LYPD5: variants seen among roughly 807,000 people sequenced by gnomAD.
LYPD5 encodes ly6/PLAUR domain-containing protein 5.
A neutral mutation model predicts 19.1 loss-of-function variants in LYPD5; 21 were observed. The observed-to-expected ratio is 1.10, with a 90% CI of 0.78 to 1.58. The LOEUF (loss-of-function observed/expected upper bound fraction) is 1.58, where lower values mean the gene tolerates loss of function less well. LYPD5 is among the 40% of genes most tolerant of loss of function. LYPD5 has a pLI of 0.00. For synonymous variants in LYPD5, 128 were observed against 142.7 expected (o/e 0.90, Z 0.74); for missense variants, 287 against 329.8 (o/e 0.87, Z 1.00).
At chr19:43,816,341 T>A (rs1334667638) in intron 1 of LYPD5, among the ~76,000 whole-genome samples, 1 of 152,142 alleles carries the variant, frequency 6.6e-6, no homozygotes, top group Non-Finnish European at 1.5e-5. Context: ...GATCACCAGG[T>A]CAAATTAGCA....
At chr19:43,820,254 C>T (rs1197440827) in intron 1 of LYPD5, among the ~76,000 whole-genome samples, 1 of 152,226 alleles carries the variant, frequency 6.6e-6, no homozygotes, top group East Asian at 1.9e-4. Context: ...TGCACACACA[C>T]CCCATTCCCT....
intron 4 of LYPD5, among the ~76,000 whole-genome samples, chr19:43,798,172 C>T (rs969409412): frequency 9.5e-5 from 11 of 115,628 alleles, no homozygotes; most frequent in African/African-American, 3.7e-4. Flanking sequence ...CCTCCTCCCT[C>T]AGACCAGGGT....
At chr19:43,812,720 G>A (rs1217313530) in intron 1 of LYPD5, among the ~76,000 whole-genome samples, 2 of 152,158 alleles carry the variant, frequency 1.3e-5, no homozygotes, top group African/African-American at 4.8e-5. Context: ...CAAGGAAATC[G>A]TAGGTTTGAG....
intron 1 of LYPD5, among the ~76,000 whole-genome samples, chr19:43,801,556 C>T (rs1970223838): frequency 6.6e-6 from 1 of 152,160 alleles, no homozygotes; most frequent in African/African-American, 2.4e-5. Flanking sequence ...TAAATATAGG[C>T]TTACAAATCA....
rs1599692727 is a variant in LYPD5 at position 43,798,663 on chromosome 19, C to G, written c.371-62G>C. ...TACCCTGGCACAGTCGTGCGGGCTG[C>G]GCACTGCGCCAGAGCCCGCGCCTAG... is the stretch of plus-strand genomic sequence containing the variant. On this transcript the variant is annotated intron_variant, in intron 3 of 4. Coordinates refer to ENST00000377950, the MANE Select transcript of LYPD5 (RefSeq NM_001031749.3). 3 of 1,600,954 alleles carry G rather than the reference C, an allele frequency of 1.9e-6. No individual in the cohort carries two copies. In the East Asian group the frequency reaches 6.7e-5, roughly 36 times the overall value.
intron 1 of LYPD5, among the ~76,000 whole-genome samples, chr19:43,814,597 C>A (rs966913467): frequency 1.3e-5 from 2 of 152,180 alleles, no homozygotes; most frequent in African/African-American, 4.8e-5. Context: ...GAGTAGTGGT[C>A]CCGTAATATG....
chr19:43,814,015 T>A (rs1162196021), intron 1 of LYPD5, among the ~76,000 whole-genome samples: 1 of 152,208 alleles, frequency 6.6e-6, no homozygotes, highest in Non-Finnish European at 1.5e-5. Context: ...GGAATTAGGA[T>A]GAGACACATA....
intron 1 of LYPD5, among the ~76,000 whole-genome samples, chr19:43,809,336 C>T (rs1282738146): frequency 1.3e-5 from 2 of 151,754 alleles, no homozygotes; most frequent in East Asian, 3.9e-4. Flanking sequence ...TGCACCTGAC[C>T]GGATATTATT....
intron 1 of LYPD5, among the ~76,000 whole-genome samples, chr19:43,814,234 G>A (rs1197195838): frequency 6.6e-6 from 1 of 152,104 alleles, no homozygotes; most frequent in Admixed American, 6.6e-5. Flanking sequence ...GGCTCAGCCT[G>A]TAATCCCAGC....
In LYPD5 at chr19:43,796,602, G is replaced by A. The variant is rs1274452122; in HGVS notation, c.*989C>T. On this transcript the variant is annotated 3_prime_UTR_variant, in exon 5 of 5. Transcript: ENST00000377950. ...ATTTCACCTCGCTGAACTTTGCCTT[G>A]TGTGTTTTTCTGTGAAGTTAATCGG... The A allele has an allele frequency of 6.6e-6, 1 of 152,212 alleles. No individual in the cohort carries two copies. The highest frequency in any genetic ancestry group is 1.5e-5 in the Non-Finnish European group (1 of 68,032). The allele number at this position is 152,212 out of a possible 1,614,324, so 9.4% of individuals were successfully genotyped here. A position where few individuals can be genotyped will look rare whatever the true frequency, so the allele number is the denominator to read the frequency against.
intron 1 of LYPD5, among the ~76,000 whole-genome samples, chr19:43,810,208 T>G (rs1372569635): frequency 1.3e-5 from 2 of 150,214 alleles, no homozygotes; most frequent in Non-Finnish European, 2.9e-5. Flanking sequence ...AAATCCATTT[T>G]ACTTTTTCCT....
upstream of LYPD5, chr19:43,802,564 G>GAGACCACC: frequency 1.7e-5 from 5 of 288,992 alleles, no homozygotes; most frequent in South Asian, 3.8e-4. Context: ...CTCAGTTGCT[G>GAGACCACC]GAGATCTACA....
chr19:43,819,221 T>C (rs937227900), intron 1 of LYPD5, among the ~76,000 whole-genome samples: 5 of 151,964 alleles, frequency 3.3e-5, no homozygotes, highest in African/African-American at 1.2e-4. Context: ...TATTATTCTG[T>C]GTTCTAACTT....
upstream of LYPD5, among the ~76,000 whole-genome samples, chr19:43,804,729 C>T (rs746114268): frequency 6.6e-5 from 10 of 152,130 alleles, no homozygotes; most frequent in Non-Finnish European, 1.2e-4. Context: ...AGTTTCTGCC[C>T]CAGGCTCTCA....
In LYPD5 at chr19:43,802,353, GA is replaced by G; in HGVS notation, c.27del (p.Leu10CysfsTer11). 6.4e-7 allele frequency: 1 copy of G among 1,551,706 alleles called. No individual in the cohort carries two copies. On this transcript the variant is annotated frameshift_variant, in exon 1 of 5. Transcript: ENST00000377950. LOFTEE classifies it high-confidence loss of function. MAMGVPRV[I>X]LLCLFGAALC... Reference sequence around the variant, plus strand: ...AGCGCAGCCCCAAAGAGGCAGAGCAGAATGACTCTGGGGACCCCCATTGCCA... The same window carrying G: ...AGCGCAGCCCCAAAGAGGCAGAGCAGATGACTCTGGGGACCCCCATTGCCA...
chr19:43,808,054 C>T (rs1970286381), intron 1 of LYPD5, among the ~76,000 whole-genome samples: 1 of 152,198 alleles, frequency 6.6e-6, no homozygotes, highest in South Asian at 2.1e-4. Context: ...ATTTATTCCT[C>T]AGTTGAAAAA....
chr19:43,806,518 C>T (rs1970271269), upstream of LYPD5, among the ~76,000 whole-genome samples: 1 of 152,030 alleles, frequency 6.6e-6, no homozygotes, highest in African/African-American at 2.4e-5. Flanking sequence ...TAAAAATTAG[C>T]TGGGCATAGT....
At chr19:43,816,565 T>C (rs1351846279) in intron 1 of LYPD5, among the ~76,000 whole-genome samples, 1 of 152,238 alleles carries the variant, frequency 6.6e-6, no homozygotes, top group Non-Finnish European at 1.5e-5. Flanking sequence ...ATTAAGCACA[T>C]ACTAAGGACC....
intron 2 of LYPD5, 172 bp from the exon 3 acceptor site, chr19:43,799,160 A>G: frequency 1.6e-6 from 1 of 616,636 alleles, no homozygotes; most frequent in Non-Finnish European, 2.5e-6. Context: ...CTCTTCCTCC[A>G]CTCTTCCTCC....
Sources: gnomAD v4.1 joint callset for allele counts (sites outside exome capture counted in the v4.1 genomes callset) on GRCh38, gnomAD v4.1.1 for gene constraint, MANE v1.5 for transcripts, NCBI Gene and HGNC (gene_info 2026-07-23, HGNC 2026-07-21) for gene names.